The following PRKG1 variants were observed in gnomAD, a reference collection of about 807,000 sequenced individuals.
The protein encoded by PRKG1 is cGMP-dependent protein kinase 1.
In PRKG1, 35 loss-of-function variants were observed where a neutral mutation model predicts 88.1. That is an observed-to-expected ratio of 0.40 (90% CI 0.30 to 0.53). The LOEUF is 0.53. Ranked by LOEUF, PRKG1 falls within the 20% of genes least tolerant of loss-of-function variation. PRKG1 has a pLI of 0.59. For synonymous variants in PRKG1, 303 were observed against 292.5 expected (o/e 1.04, Z -0.37); for missense variants, 540 against 839.8 (o/e 0.64, Z 4.41).
intron 3 of PRKG1, among the ~76,000 whole-genome samples, chr10:51,723,122 A>T (rs1842052605): frequency 2.6e-5 from 4 of 152,182 alleles, no homozygotes; most frequent in Admixed American, 2.6e-4. Context: ...TCACCATACC[A>T]CTTTCTGTCT....
chr10:51,744,202 C>T (rs1443397869), intron 3 of PRKG1, among the ~76,000 whole-genome samples: 1 of 152,004 alleles, frequency 6.6e-6, no homozygotes, highest in Non-Finnish European at 1.5e-5. Flanking sequence ...TTCTCCCTAC[C>T]ACTGTGAAGT....
intron 7 of PRKG1, among the ~76,000 whole-genome samples, chr10:52,076,125 C>T (rs1846623051): frequency 6.6e-6 from 1 of 152,078 alleles, no homozygotes; most frequent in Non-Finnish European, 1.5e-5. Flanking sequence ...ATACCTTGCA[C>T]GACATACAAA....
At chr10:52,223,136 T>C (rs1437155708) in intron 9 of PRKG1, among the ~76,000 whole-genome samples, 4 of 152,148 alleles carry the variant, frequency 2.6e-5, no homozygotes, top group African/African-American at 9.7e-5. Flanking sequence ...AAAAACACTT[T>C]ATCTCCATAT....
chr10:51,628,953 G>A (rs1839448727), intron 3 of PRKG1, among the ~76,000 whole-genome samples: 2 of 129,128 alleles, frequency 1.5e-5, no homozygotes, highest in Non-Finnish European at 3.2e-5. Context: ...GCGACAGAGC[G>A]AGACTCCGTC....
At chr10:51,293,687 G>A (rs1840642195) in intron 2 of PRKG1, among the ~76,000 whole-genome samples, 1 of 152,106 alleles carries the variant, frequency 6.6e-6, no homozygotes, top group South Asian at 2.1e-4. Flanking sequence ...ATGAATATGA[G>A]AGTGCAGATA....
Position 51,074,571 on chromosome 10 carries a change from C to A in PRKG1, c.-20C>A. 1 of 1,596,820 alleles carries A rather than the reference C, an allele frequency of 6.3e-7. No individual in the cohort carries two copies. The highest frequency in any genetic ancestry group is 1.1e-5 in the South Asian group (1 of 89,522). On this transcript the variant is annotated 5_prime_UTR_variant, in exon 1 of 18. Coordinates refer to ENST00000373980, the MANE Select transcript of PRKG1 (RefSeq NM_006258.4). Reference sequence around the variant, plus strand: ...ACGCGGAGCAGCGGCAGGAAGGAGCCCCCGGCAGCCCGGAGGAGCATGGGC... The same window carrying A: ...ACGCGGAGCAGCGGCAGGAAGGAGCACCCGGCAGCCCGGAGGAGCATGGGC...
chr10:51,014,036 TGGAAA>T (rs1439343011), intron 1 of PRKG1, among the ~76,000 whole-genome samples: 1 of 152,198 alleles, frequency 6.6e-6, no homozygotes, highest in Non-Finnish European at 1.5e-5. Flanking sequence ...CTGGATCCTT[TGGAAA>T]TAAAGAGGAA....
At chr10:51,449,440 G>A (rs1315811906) in intron 2 of PRKG1, among the ~76,000 whole-genome samples, 1 of 149,160 alleles carries the variant, frequency 6.7e-6, no homozygotes, top group Non-Finnish European at 1.5e-5. Context: ...TATAATCCTG[G>A]AGATGTCAAC....
At chr10:51,223,822 T>C (rs1158820319) in intron 2 of PRKG1, among the ~76,000 whole-genome samples, 6 of 152,174 alleles carry the variant, frequency 3.9e-5, no homozygotes, top group Non-Finnish European at 7.4e-5. Context: ...CTCACAAATA[T>C]AATGCAAATA....
In PRKG1 at chr10:51,464,229, C is replaced by T. The variant is rs192531499; in HGVS notation, c.479-3494C>T. On this transcript the variant is annotated intron_variant, in intron 2 of 17. Coordinates refer to ENST00000373980, the MANE Select transcript of PRKG1 (RefSeq NM_006258.4). ...CTTGAACCTGGGAGGCAGAGTTTGC[C>T]GTGAGCCAAGATGACACCACTGCTC... 2.6e-4 allele frequency among the ~76,000 whole-genome samples: 39 copies of T among 151,862 alleles called. No homozygotes were observed. The East Asian group carries it at 6.6e-3, about 26-fold the overall frequency.
intron 4 of PRKG1, among the ~76,000 whole-genome samples, chr10:51,856,988 A>AT (rs71029399): frequency 1.3e-5 from 2 of 151,214 alleles, no homozygotes; most frequent in African/African-American, 4.9e-5. Flanking sequence ...AAAAAAAAAA[A>AT]GAAAGAAAGT....
intron 3 of PRKG1, among the ~76,000 whole-genome samples, chr10:51,592,364 T>C (rs1838333002): frequency 6.6e-6 from 1 of 152,208 alleles, no homozygotes; most frequent in Non-Finnish European, 1.5e-5. Context: ...ACTAGGATTC[T>C]ACTTGTTTCT....
At chr10:52,050,291 T>C (rs1845959584) in intron 5 of PRKG1, among the ~76,000 whole-genome samples, 1 of 152,122 alleles carries the variant, frequency 6.6e-6, no homozygotes, top group Admixed American at 6.5e-5. Context: ...AGACATGGTC[T>C]CGTAGGCCAT....
chr10:52,070,399 G>T (rs760097865), intron 7 of PRKG1, among the ~76,000 whole-genome samples: 1 of 152,134 alleles, frequency 6.6e-6, no homozygotes, highest in African/African-American at 2.4e-5. Flanking sequence ...TAGGTAAACT[G>T]TCTCTCTGGT....
intron 1 of PRKG1, among the ~76,000 whole-genome samples, chr10:51,021,403 A>G (rs1241130852): frequency 6.6e-6 from 1 of 152,166 alleles, no homozygotes. Context: ...TTCTCAGCAA[A>G]TCTAACTTTT....
At chr10:52,157,774 T>TCCTTCTTC (rs1838165227) in intron 8 of PRKG1, among the ~76,000 whole-genome samples, 1 of 151,554 alleles carries the variant, frequency 6.6e-6, no homozygotes, top group Non-Finnish European at 1.5e-5. Context: ...TTTCACTCTT[T>TCCTTCTTC]CCTTCTTCCC....
At chr10:51,275,050 C>A (rs1989453960) in intron 2 of PRKG1, among the ~76,000 whole-genome samples, 1 of 152,182 alleles carries the variant, frequency 6.6e-6, no homozygotes. Context: ...GTGAATGACT[C>A]AGTCTTTCTA....
At chr10:52,004,011 G>A (rs1442049429) in intron 5 of PRKG1, among the ~76,000 whole-genome samples, 1 of 151,862 alleles carries the variant, frequency 6.6e-6, no homozygotes, top group Non-Finnish European at 1.5e-5. Context: ...AAGATTATGA[G>A]AGTTGAATGT....
chr10:51,278,288 A>C (rs896260336), intron 2 of PRKG1, among the ~76,000 whole-genome samples: 6 of 152,208 alleles, frequency 3.9e-5, no homozygotes, highest in Non-Finnish European at 7.3e-5. Flanking sequence ...CCAGCCTTGC[A>C]TCCCAGGGAT....
Sources: gnomAD v4.1 joint callset for allele counts (sites outside exome capture counted in the v4.1 genomes callset) on GRCh38, gnomAD v4.1.1 for gene constraint, MANE v1.5 for transcripts, NCBI Gene and HGNC (gene_info 2026-07-23, HGNC 2026-07-21) for gene names.